Variants in XRN2 observed in about 807,000 individuals in gnomAD.
XRN2 encodes DHM1-like protein.
Under a neutral mutation model 138.5 loss-of-function variants are expected in XRN2, and 44 were observed. The observed-to-expected ratio is 0.32, with a 90% confidence interval of 0.25 to 0.41. The LOEUF (loss-of-function observed/expected upper bound fraction) is 0.41, where lower values mean the gene tolerates loss of function less well. XRN2 is among the 10% of genes least tolerant of loss of function. The pLI is 1.00. For synonymous variants in XRN2, 354 were observed against 369.4 expected, an observed-to-expected ratio of 0.96 and a Z score of 0.48; for missense variants, 937 against 1,169.3, an observed-to-expected ratio of 0.80 and a Z score of 2.90.
intron 27 of XRN2, among the ~76,000 whole-genome samples, chr20:21,369,720 G>T (rs1156659161): frequency 3.9e-5 from 6 of 152,208 alleles, no homozygotes; most frequent in Non-Finnish European, 1.5e-5. Context: ...AGATTATTAG[G>T]TTTTTTTCCT....
At chr20:21,309,266 G>A (rs2037845621) in intron 1 of XRN2, among the ~76,000 whole-genome samples, 1 of 152,232 alleles carries the variant, frequency 6.6e-6, no homozygotes, top group African/African-American at 2.4e-5. Context: ...GAATTTACCA[G>A]TGAGGCCATC....
intron 1 of XRN2, among the ~76,000 whole-genome samples, chr20:21,322,434 C>T (rs1348710211): frequency 1.3e-5 from 2 of 152,110 alleles, no homozygotes; most frequent in African/African-American, 4.8e-5. Flanking sequence ...TAGTTCCAAG[C>T]TTCTTTAAGG....
chr20:21,365,451 A>G lies in XRN2; in HGVS notation c.2286A>G (p.Glu762=), dbSNP rs199701304. ...ATTTTAAAGACCCACAGTTTGCTGA[A>G]GATTACATTTTTAAAGCTGTAATGC... ...SINFKDPQFA[E]DYIFKAVMLP... The change falls in exon 25 of 30, where the codon GAA becomes GAG. Residue 762 remains glutamate (E), a synonymous_variant. Coordinates refer to ENST00000377191, the MANE Select transcript of XRN2 (RefSeq NM_012255.5). The G allele has an allele frequency of 6.2e-7, 1 of 1,613,780 alleles. No homozygotes were observed. The highest frequency in any genetic ancestry group is 8.5e-7 in the Non-Finnish European group (1 of 1,179,944).
intron 27 of XRN2, among the ~76,000 whole-genome samples, chr20:21,381,709 C>T (rs2038885666): frequency 2.6e-5 from 1 of 37,772 alleles, no homozygotes; most frequent in South Asian, 1.2e-3. Flanking sequence ...TACTTACACA[C>T]ACATACACAC....
At chr20:21,322,392 A>C (rs2038058538) in intron 1 of XRN2, among the ~76,000 whole-genome samples, 1 of 152,324 alleles carries the variant, frequency 6.6e-6, no homozygotes, top group South Asian at 2.1e-4. Flanking sequence ...ATTTCTCTCT[A>C]AAATATCACC....
chr20:21,310,348 C>G (rs921013330), intron 1 of XRN2, among the ~76,000 whole-genome samples: 1 of 152,142 alleles, frequency 6.6e-6, no homozygotes, highest in African/African-American at 2.4e-5. Flanking sequence ...AGAATATGGT[C>G]TCTATAAATG....
At chr20:21,366,168 TA>T (rs1359140775) in intron 26 of XRN2, among the ~76,000 whole-genome samples, 3 of 120,068 alleles carry the variant, frequency 2.5e-5, no homozygotes, top group African/African-American at 3.2e-5. Flanking sequence ...ATAGTTTATA[TA>T]ATATATATAA....
intron 1 of XRN2, among the ~76,000 whole-genome samples, chr20:21,320,892 G>A (rs1215129728): frequency 6.6e-6 from 1 of 152,168 alleles, no homozygotes; most frequent in South Asian, 2.1e-4. Flanking sequence ...CACCAGGAGG[G>A]CTCCTCCCAG....
At chr20:21,340,631 G>A in intron 14 of XRN2, 90 bp from the exon 15 acceptor site, 1 of 1,442,722 alleles carries the variant, frequency 6.9e-7, no homozygotes, top group Non-Finnish European at 9.5e-7. Context: ...CTTACAGTTT[G>A]GACTTTATTC....
rs930032147 is a variant in XRN2, at chr20:21,346,617, T to G, written c.1665+67T>G. 37 of 1,567,800 alleles carry G rather than the reference T, an allele frequency of 2.4e-5. No individual in the cohort carries two copies. The African/African-American group carries it at 2.6e-4, about 11-fold the overall frequency. ...TTAAGAAAAATAGTAATTTCTTTTT[T>G]TTTGTTTGTTTTTTGTTTTTGAGAC... On this transcript the variant is annotated intron_variant, in intron 17 of 29. Coordinates refer to ENST00000377191, the MANE Select transcript of XRN2 (RefSeq NM_012255.5).
chr20:21,371,162 A>G (rs1440898485), intron 27 of XRN2, among the ~76,000 whole-genome samples: 2 of 152,194 alleles, frequency 1.3e-5, no homozygotes, highest in Non-Finnish European at 2.9e-5. Flanking sequence ...TGGATAATTG[A>G]TGGGAAATAT....
intron 27 of XRN2, among the ~76,000 whole-genome samples, chr20:21,381,237 T>C (rs535509947): frequency 6.6e-6 from 1 of 152,338 alleles, no homozygotes; most frequent in Admixed American, 6.5e-5. Context: ...GTGAACTCAT[T>C]AGACAACTTC....
chr20:21,360,913 A>C (rs113675380), intron 24 of XRN2, among the ~76,000 whole-genome samples: 84 of 152,330 alleles, frequency 5.5e-4, no homozygotes, highest in African/African-American at 1.9e-3. Context: ...TAAAATGTCA[A>C]GTATATGAAT....
intron 24 of XRN2, 152 bp downstream of exon 24, chr20:21,357,944 A>G (rs919067243): frequency 7.5e-6 from 4 of 530,478 alleles, no homozygotes; most frequent in African/African-American, 5.9e-5. Flanking sequence ...ACCTTACAGC[A>G]GAGCCTCTTA....
At chr20:21,339,395 A>G (rs2038342280) in intron 14 of XRN2, among the ~76,000 whole-genome samples, 2 of 152,158 alleles carry the variant, frequency 1.3e-5, no homozygotes, top group South Asian at 4.1e-4. Flanking sequence ...TATCCCCTTG[A>G]AAGTTACTGT....
At chr20:21,305,263 GTTTA>G (rs995331728) in intron 1 of XRN2, among the ~76,000 whole-genome samples, 1 of 152,088 alleles carries the variant, frequency 6.6e-6, no homozygotes, top group African/African-American at 2.4e-5. Flanking sequence ...TACTTCATTT[GTTTA>G]TTTATTTAGA....
At chr20:21,351,815 T>C (rs1433967926) in intron 20 of XRN2, among the ~76,000 whole-genome samples, 1 of 152,212 alleles carries the variant, frequency 6.6e-6, no homozygotes, top group Non-Finnish European at 1.5e-5. Context: ...ATATCAAATT[T>C]TCCCGGCACC....
chr20:21,319,145 C>T (rs2038003107), intron 1 of XRN2, among the ~76,000 whole-genome samples: 1 of 152,052 alleles, frequency 6.6e-6, no homozygotes, highest in Non-Finnish European at 1.5e-5. Flanking sequence ...CTCTTTACCT[C>T]CAGTAACATT....
intron 24 of XRN2, among the ~76,000 whole-genome samples, chr20:21,360,932 T>C (rs1177800882): frequency 6.6e-6 from 1 of 152,192 alleles, no homozygotes; most frequent in East Asian, 1.9e-4. Flanking sequence ...ATCATGAGAT[T>C]TTCCTGCAAG....
Sources: allele counts gnomAD v4.1 joint callset (sites outside exome capture counted in the v4.1 genomes callset), GRCh38; gene constraint gnomAD v4.1.1; transcripts MANE v1.5; gene names NCBI Gene and HGNC (gene_info 2026-07-23, HGNC 2026-07-21).